The following SIPA1L1 variants were observed in gnomAD, a reference collection of about 807,000 sequenced individuals.
SIPA1L1 encodes the protein signal induced proliferation associated 1 like 1.
A neutral mutation model predicts 162.7 loss-of-function variants in SIPA1L1; 26 were observed. That is an observed-to-expected ratio of 0.16 (90% CI 0.12 to 0.22). SIPA1L1 has a LOEUF of 0.22. SIPA1L1 is among the 10% of genes least tolerant of loss of function. The pLI, the probability that SIPA1L1 is intolerant of heterozygous loss-of-function variation, is 1.00. For missense variants in SIPA1L1, 1,874 were observed against 2,241.0 expected (o/e 0.84, Z 3.31); for synonymous variants, 829 against 837.4 (o/e 0.99, Z 0.17).
At chr14:71,608,646 C>T (rs1311227174) in intron 5 of SIPA1L1, among the ~76,000 whole-genome samples, 3 of 152,102 alleles carry the variant, frequency 2.0e-5, no homozygotes, top group African/African-American at 7.2e-5. Context: ...TCTGTAGTCC[C>T]AGCACTTTGG....
rs2045387621 is a variant in SIPA1L1, at chr14:71,446,871, G to A, written c.-464-65872G>A. 6.6e-5 allele frequency among the ~76,000 whole-genome samples: 9 copies of A among 137,108 alleles called. No individual in the cohort carries two copies. In the South Asian group the frequency reaches 2.1e-3, roughly 33 times the overall value. 89.9% of individuals were successfully genotyped at this position (137,108 alleles called of 152,430 possible). A position where few individuals can be genotyped will look rare whatever the true frequency, so the allele number is the denominator to read the frequency against. Reference sequence around the variant, plus strand: ...TTTCCAATTGAGTTAAGTAGATCCTGCAAATAAAGAGAGATGGGCTCTGTT... The same window carrying A: ...TTTCCAATTGAGTTAAGTAGATCCTACAAATAAAGAGAGATGGGCTCTGTT... On this transcript the variant is annotated intron_variant, in intron 2 of 23. Transcript: ENST00000381232.
At position 71,537,193 on chromosome 14, in the gene SIPA1L1, C is replaced by G. The variant is rs192190328; in HGVS notation, c.-303+7823C>G. On this transcript the variant is annotated intron_variant, in intron 4 of 23. Coordinates refer to ENST00000381232, the MANE Select transcript of SIPA1L1 (RefSeq NM_001386936.1). Reference sequence around the variant, plus strand: ...TGGGCTGCTGATTCTATTAAGTTTACTATTTCTTTTATTTATTTACTTATT... The same window carrying G: ...TGGGCTGCTGATTCTATTAAGTTTAGTATTTCTTTTATTTATTTACTTATT... Among the ~76,000 whole-genome samples the G allele has an allele frequency of 5.3e-5, 8 of 152,142 alleles. No homozygotes were observed. In the East Asian group the frequency reaches 1.4e-3, roughly 26 times the overall value.
At chr14:71,655,864 T>C (rs2043011919) in intron 8 of SIPA1L1, among the ~76,000 whole-genome samples, 1 of 152,214 alleles carries the variant, frequency 6.6e-6, no homozygotes, top group African/African-American at 2.4e-5. Context: ...AGATTCTGGA[T>C]ATTAGTCTTT....
intron 13 of SIPA1L1, among the ~76,000 whole-genome samples, chr14:71,693,644 A>G (rs1481217532): frequency 1.3e-5 from 2 of 152,124 alleles, no homozygotes; most frequent in Non-Finnish European, 2.9e-5. Flanking sequence ...GTTGAACACA[A>G]CTTGTTCAAA....
At chr14:71,367,651 G>A (rs1340216543) in intron 2 of SIPA1L1, among the ~76,000 whole-genome samples, 1 of 137,590 alleles carries the variant, frequency 7.3e-6, no homozygotes, top group East Asian at 2.1e-4. Context: ...TTGTTTCTCA[G>A]GCTGGAGTGC....
intron 1 of SIPA1L1, among the ~76,000 whole-genome samples, chr14:71,320,771 A>T (rs569890859): frequency 1.4e-5 from 2 of 147,356 alleles, no homozygotes; most frequent in African/African-American, 5.0e-5. Context: ...TGCTTCCCGT[A>T]CTGGCCGCCC....
At chr14:71,696,225 T>TTGA (rs1434928072) in intron 13 of SIPA1L1, among the ~76,000 whole-genome samples, 4 of 152,158 alleles carry the variant, frequency 2.6e-5, no homozygotes, top group African/African-American at 9.7e-5. Flanking sequence ...AACAGCAAGA[T>TTGA]TGATGATGAT....
chr14:71,537,987 T>C (rs1323948797), intron 4 of SIPA1L1, among the ~76,000 whole-genome samples: 1 of 152,172 alleles, frequency 6.6e-6, no homozygotes, highest in African/African-American at 2.4e-5. Flanking sequence ...GTTTTTATAA[T>C]GCATAGTCAG....
At chr14:71,351,203 T>A (rs1227017488) in intron 2 of SIPA1L1, among the ~76,000 whole-genome samples, 1 of 152,236 alleles carries the variant, frequency 6.6e-6, no homozygotes, top group African/African-American at 2.4e-5. Flanking sequence ...AAATAGTTTT[T>A]CTGTGATACT....
intron 2 of SIPA1L1, among the ~76,000 whole-genome samples, chr14:71,494,803 C>G (rs2049597813): frequency 6.6e-6 from 1 of 152,144 alleles, no homozygotes; most frequent in Admixed American, 6.5e-5. Context: ...CCTTGCCTGG[C>G]TACTTTGTGT....
rs966008955 is a variant in SIPA1L1 at position 71,723,759 on chromosome 14, T to A, written c.4321T>A (p.Ser1441Thr). 11 of 1,614,164 alleles carry A rather than the reference T, an allele frequency of 6.8e-6. No homozygotes were observed. Among genetic ancestry groups the A allele is most frequent in the Non-Finnish European group, 9.3e-6 (11 of 1,180,036 alleles). The change falls in exon 18 of 24, where the codon TCC (serine) becomes ACC (threonine). Residue 1441 changes from serine (S) to threonine (T), a missense_variant. Physicochemically the swap from Ser to Thr is moderately conservative, Grantham distance 58. This residue lies in a region of SIPA1L1 where 936 missense variants were observed against 1,051.9 expected (regional missense o/e 0.89). Transcript: ENST00000381232. ...APSQLAPSFS[S>T]SSSSSSGPRS... ...CTCACAGCTCGCACCATCCTTCTCC[T>A]CCTCTTCCTCCTCCTCCTCTGGTCC...
At chr14:71,585,854 G>T (rs946584899) in intron 4 of SIPA1L1, among the ~76,000 whole-genome samples, 1 of 152,172 alleles carries the variant, frequency 6.6e-6, no homozygotes, top group Non-Finnish European at 1.5e-5. Flanking sequence ...TTTTGGTTCA[G>T]TTGTTCAATT....
At chr14:71,491,639 A>G (rs1362298893) in intron 2 of SIPA1L1, among the ~76,000 whole-genome samples, 4 of 151,938 alleles carry the variant, frequency 2.6e-5, no homozygotes, top group East Asian at 1.9e-4. Flanking sequence ...GGCTCAAGCA[A>G]TCCTCCCACC....
At position 71,686,045 on chromosome 14, in the gene SIPA1L1, A is replaced by G. The variant is rs117459168; in HGVS notation, c.3374+414A>G. 8.3e-3 allele frequency among the ~76,000 whole-genome samples: 1,267 copies of G among 152,334 alleles called. 44 individuals are homozygous for G. The highest frequency in any genetic ancestry group is 0.062 in the Admixed American group (945 of 15,302). ...AAGGCAGGTTTTTGGTTGAATAACT[A>G]TGTTTGTGTCACTTTATTAATAAAG... On this transcript the variant is annotated intron_variant, in intron 13 of 23. Transcript: ENST00000381232.
intron 23 of SIPA1L1, 142 bp from the exon 24 acceptor site, chr14:71,738,876 C>A: frequency 1.1e-6 from 1 of 893,394 alleles, no homozygotes; most frequent in Non-Finnish European, 1.7e-6. Context: ...GCACCTGATA[C>A]CAGTCCGTTT....
chr14:71,690,382 G>T (rs1417766655), intron 13 of SIPA1L1, among the ~76,000 whole-genome samples: 1 of 151,862 alleles, frequency 6.6e-6, no homozygotes, highest in Non-Finnish European at 1.5e-5. Flanking sequence ...AGTACTGCAG[G>T]TGCACGCCAC....
intron 2 of SIPA1L1, among the ~76,000 whole-genome samples, chr14:71,427,920 C>G (rs2140881230): frequency 6.6e-6 from 1 of 151,572 alleles, no homozygotes; most frequent in Admixed American, 6.6e-5. Context: ...TTATTTTTTC[C>G]TTTGAATGGG....
chr14:71,455,621 A>G (rs1301773030), intron 2 of SIPA1L1, among the ~76,000 whole-genome samples: 1 of 152,176 alleles, frequency 6.6e-6, no homozygotes, highest in Non-Finnish European at 1.5e-5. Context: ...TTTAATTTAT[A>G]TGTGGGACTT....
rs138436535 is a variant in SIPA1L1, at chr14:71,588,468, G to T, written c.596G>T (p.Gly199Val). 1.5e-4 allele frequency: 239 copies of T among 1,614,000 alleles called. No homozygotes were observed. The highest frequency in any genetic ancestry group is 1.8e-4 in the Non-Finnish European group (210 of 1,180,006). Residue 199 changes from glycine to valine, a missense_variant, in exon 5 of 24, where the codon GGA (glycine) becomes GTA (valine). Physicochemically the swap from Gly to Val is moderately radical, Grantham distance 109. Around this residue, in one of 5 missense-constraint regions of SIPA1L1, gnomAD observed 685 missense variants for 828.0 expected, o/e 0.83. Coordinates refer to ENST00000381232, the MANE Select transcript of SIPA1L1 (RefSeq NM_001386936.1). The surrounding 1 kb of genome is among the most constrained non-coding windows in gnomAD (Gnocchi z 4.3). ...DECISPTYKT[G>V]PSLHREYGST... Reference sequence around the variant, plus strand: ...TGTATCTCACCTACATACAAGACTGGACCATCACTGCACAGGGAATATGGT... The same window carrying T: ...TGTATCTCACCTACATACAAGACTGTACCATCACTGCACAGGGAATATGGT...
Sources: allele counts gnomAD v4.1 joint callset (sites outside exome capture counted in the v4.1 genomes callset), GRCh38; gene constraint gnomAD v4.1.1; regional missense constraint gnomAD v4.1.1; non-coding constraint Gnocchi (gnomAD v3.1); transcripts MANE v1.5; gene names NCBI Gene and HGNC (gene_info 2026-07-23, HGNC 2026-07-21).